The following CNTNAP2 variants were observed in gnomAD, a reference collection of about 807,000 sequenced individuals.
CNTNAP2 encodes the protein contactin-associated protein-like 2.
A neutral mutation model predicts 155.2 loss-of-function variants in CNTNAP2; 98 were observed. The observed-to-expected ratio is 0.63, with a 90% confidence interval of 0.54 to 0.75. The LOEUF is 0.75. Among genes scored for constraint, CNTNAP2 ranks in the 30% least tolerant of loss-of-function variants. CNTNAP2 has a pLI of 0.00. For missense variants in CNTNAP2, 1,727 were observed against 1,688.1 expected (o/e 1.02, Z -0.40); for synonymous variants, 651 against 631.2 (o/e 1.03, Z -0.47).
intron 8 of CNTNAP2, among the ~76,000 whole-genome samples, chr7:147,148,156 C>T (rs986306548): frequency 6.6e-5 from 10 of 151,662 alleles, no homozygotes; most frequent in Non-Finnish European, 1.3e-4. Flanking sequence ...TTTGGGAGGC[C>T]GAGGCGGGCG....
chr7:147,350,670 A>G (rs899141967), intron 9 of CNTNAP2, among the ~76,000 whole-genome samples: 3 of 151,792 alleles, frequency 2.0e-5, no homozygotes, highest in Non-Finnish European at 2.9e-5. Flanking sequence ...GCTGCCTTAC[A>G]GTACCCTATT....
chr7:147,605,400 CAGAAAGGAAT>C (rs1473468872), intron 12 of CNTNAP2, among the ~76,000 whole-genome samples: 1 of 152,076 alleles, frequency 6.6e-6, no homozygotes, highest in Admixed American at 6.6e-5. Flanking sequence ...TCCTGAGCTA[CAGAAAGGAAT>C]AGGGGCCTGA....
At chr7:146,976,858 T>C (rs35700289) in intron 3 of CNTNAP2, among the ~76,000 whole-genome samples, 1,609 of 152,298 alleles carry the variant, frequency 0.011, 27 homozygotes, top group African/African-American at 0.038. Context: ...CGCTGTGCAG[T>C]ATTCTTCTCT....
At chr7:147,954,182 C>G (rs1800982810) in intron 14 of CNTNAP2, among the ~76,000 whole-genome samples, 1 of 152,066 alleles carries the variant, frequency 6.6e-6, no homozygotes, top group Admixed American at 6.5e-5. Context: ...ATGAAGATGA[C>G]TTTAATACAT....
At position 148,022,311 on chromosome 7, in the gene CNTNAP2, C is replaced by G. The variant is rs964804009; in HGVS notation, c.2383+44322C>G. Among the ~76,000 whole-genome samples the G allele has an allele frequency of 4.0e-5, 6 of 151,736 alleles. No individual in the cohort carries two copies. In the East Asian group the frequency reaches 1.2e-3, roughly 29 times the overall value. On this transcript the variant is annotated intron_variant, in intron 15 of 23. Transcript: ENST00000361727. Reference sequence around the variant, plus strand: ...GGTGAAACTCCGTCTCTACTAAAAACACGAAAAATTAGCCGAGCGTGGCGG... The same window carrying G: ...GGTGAAACTCCGTCTCTACTAAAAAGACGAAAAATTAGCCGAGCGTGGCGG...
rs748334732 is a variant in CNTNAP2 at position 146,330,012 on chromosome 7, C to CTTTTTT, written c.97+213061_97+213066dup. ...CATTTATTGATTCAACAAGTACTTT[C>CTTTTTT]TTTTTTTTTTTTTTTTTTTTTTTTT... On this transcript the variant is annotated intron_variant, in intron 1 of 23. Coordinates refer to ENST00000361727, the MANE Select transcript of CNTNAP2 (RefSeq NM_014141.6). Among the ~76,000 whole-genome samples, 278 of 74,834 alleles carry CTTTTTT rather than the reference C, an allele frequency of 3.7e-3. 69 individuals carry two copies. The highest frequency in any genetic ancestry group is 0.016 in the African/African-American group (242 of 15,210). 49.1% of individuals were successfully genotyped at this position (74,834 alleles called of 152,430 possible).
chr7:148,253,690 C>A (rs901032895), intron 20 of CNTNAP2, among the ~76,000 whole-genome samples: 3 of 152,210 alleles, frequency 2.0e-5, no homozygotes, highest in African/African-American at 7.2e-5. Context: ...CCAAGTTACC[C>A]TGTGACAGTC....
chr7:146,232,328 C>T (rs994421680), intron 1 of CNTNAP2, among the ~76,000 whole-genome samples: 30 of 148,790 alleles, frequency 2.0e-4, no homozygotes, highest in African/African-American at 2.5e-5. Context: ...AGATAAATTG[C>T]ATGTATTTAT....
chr7:147,662,257 T>C (rs73741205), intron 13 of CNTNAP2, among the ~76,000 whole-genome samples: 7,593 of 152,232 alleles, frequency 0.05, 622 homozygotes, highest in African/African-American at 0.17. Flanking sequence ...AAACCATGTT[T>C]CAGGTTCTCC....
At chr7:148,014,220 A>G (rs1802133478) in intron 15 of CNTNAP2, 1 of 150,932 alleles carries the variant, frequency 6.6e-6, no homozygotes, top group Non-Finnish European at 1.5e-5. Context: ...GTATTATTTG[A>G]CTTTAAACTT....
intron 11 of CNTNAP2, among the ~76,000 whole-genome samples, chr7:147,533,305 G>T (rs928545556): frequency 6.6e-6 from 1 of 152,172 alleles, no homozygotes; most frequent in African/African-American, 2.4e-5. Context: ...ACAGAAGGTT[G>T]TGAATTTTTG....
At chr7:147,618,851 T>A (rs1002243922) in intron 12 of CNTNAP2, among the ~76,000 whole-genome samples, 16 of 152,062 alleles carry the variant, frequency 1.1e-4, no homozygotes, top group Admixed American at 1.0e-3. Flanking sequence ...AGGAATTGAG[T>A]TCTTGAGAAG....
intron 1 of CNTNAP2, among the ~76,000 whole-genome samples, chr7:146,344,214 A>G (rs1427540728): frequency 6.6e-6 from 1 of 152,212 alleles, no homozygotes; most frequent in East Asian, 1.9e-4. Flanking sequence ...CAGCATAGCC[A>G]GAGACCAAAC....
chr7:147,715,834 G>A (rs892833326), intron 13 of CNTNAP2, among the ~76,000 whole-genome samples: 9 of 152,000 alleles, frequency 5.9e-5, no homozygotes, highest in Admixed American at 1.3e-4. Context: ...TGTAAGCTGC[G>A]CACTTACATC....
In CNTNAP2 at chr7:147,395,689, G is replaced by A. The variant is rs375957682; in HGVS notation, c.1579G>A (p.Asp527Asn). ...FQGCMQLIQVDDQLVNLYEVA... is the reference protein window; with the variant it reads ...FQGCMQLIQVNDQLVNLYEVA... ...AGGATGCATGCAGCTCATTCAAGTG[G>A]ACGATCAACTTGTAAATTTATACGA... The change falls in exon 10 of 24, where the codon GAC becomes AAC. Residue 527 changes from aspartate (D) to asparagine (N), a missense_variant. Coordinates refer to ENST00000361727, the MANE Select transcript of CNTNAP2 (RefSeq NM_014141.6). The A allele has an allele frequency of 1.9e-6, 3 of 1,612,590 alleles. No homozygotes were observed. The highest frequency in any genetic ancestry group is 2.5e-6 in the Non-Finnish European group (3 of 1,178,886).
intron 3 of CNTNAP2, among the ~76,000 whole-genome samples, chr7:146,864,254 C>G (rs1187259967): frequency 6.6e-6 from 1 of 151,488 alleles, no homozygotes; most frequent in Non-Finnish European, 1.5e-5. Flanking sequence ...AAGACAATAC[C>G]TTATGAATAA....
At chr7:146,457,689 G>C (rs957338846) in intron 1 of CNTNAP2, among the ~76,000 whole-genome samples, 8 of 150,726 alleles carry the variant, frequency 5.3e-5, no homozygotes, top group African/African-American at 1.9e-4. Flanking sequence ...ATTTTTAGTA[G>C]AGACTGGGTT....
chr7:147,299,467 A>AAGAT (rs1475964450), intron 8 of CNTNAP2, among the ~76,000 whole-genome samples: 2 of 151,866 alleles, frequency 1.3e-5, no homozygotes, highest in Non-Finnish European at 2.9e-5. Context: ...CTCCATTATA[A>AAGAT]AGATAACTTA....
Position 147,562,200 on chromosome 7 carries a change from A to G in CNTNAP2, c.1840A>G (p.Ile614Val). The change falls in exon 12 of 24, where the codon ATA (isoleucine) becomes GTA (valine). Residue 614 changes from isoleucine (I) to valine (V), a missense_variant. Transcript: ENST00000361727. Reference sequence around the variant, plus strand: ...AGGACAGACATCAAATTATTACTGGATAGATCCTGATGGCAGCGGACCTCT... The same window carrying G: ...AGGACAGACATCAAATTATTACTGGGTAGATCCTGATGGCAGCGGACCTCT... ...HLGQTSNYYW[I>V]DPDGSGPLGP... The G allele has an allele frequency of 6.2e-7, 1 of 1,614,022 alleles. No homozygotes were observed. The highest frequency in any genetic ancestry group is 1.1e-5 in the South Asian group (1 of 91,076).
Sources: allele counts gnomAD v4.1 joint callset (sites outside exome capture counted in the v4.1 genomes callset), GRCh38; gene constraint gnomAD v4.1.1; transcripts MANE v1.5; gene names NCBI Gene and HGNC (gene_info 2026-07-23, HGNC 2026-07-21).